The following PRELID2 variants were observed in gnomAD, a reference collection of about 807,000 sequenced individuals.
PRELID2 encodes PRELI domain-containing protein 2.
PRELID2 carries 25 observed loss-of-function variants against 28.4 expected under a neutral mutation model. That is an observed-to-expected ratio of 0.88 (90% CI 0.64 to 1.23). The LOEUF is 1.23. Among genes scored for constraint, PRELID2 ranks in the 50% most tolerant of loss-of-function variants. The pLI is 0.00. For synonymous variants in PRELID2, 76 were observed against 71.6 expected (o/e 1.06, Z -0.31); for missense variants, 201 against 214.4 (o/e 0.94, Z 0.39).
At chr5:145,560,692 A>T (rs1463440126) in intron 1 of PRELID2, among the ~76,000 whole-genome samples, 2 of 152,202 alleles carry the variant, frequency 1.3e-5, no homozygotes, top group Non-Finnish European at 2.9e-5. Flanking sequence ...AGTTATTCTA[A>T]CTTCATTCAA....
chr5:145,230,343 G>A, the PRELID2 span, among the ~76,000 whole-genome samples: 10 of 152,182 alleles, frequency 6.6e-5, no homozygotes, highest in Admixed American at 2.6e-4. Flanking sequence ...GGAGGCTGAC[G>A]TGGGTGGATC....
Position 145,740,611 on chromosome 5 carries a change from TATAAATATATATATATTATATATATAA to T in PRELID2, n.70+24293_70+24319del, listed in dbSNP as rs1756652003. Among the ~76,000 whole-genome samples, 3 of 9,936 alleles carry T rather than the reference TATAAATATATATATATTATATATATAA, an allele frequency of 3.0e-4. No individual in the cohort carries two copies. The Admixed American group carries it at 6.2e-3, about 20-fold the overall frequency. The allele number at this position is 9,936 out of a possible 152,430, so 6.5% of individuals were successfully genotyped here. On this transcript the variant is annotated intron_variant and non_coding_transcript_variant, in intron 1 of 2. Coordinates refer to the PRELID2 transcript ENST00000510259. Reference sequence around the variant, plus strand: ...TATATAAATATATATATATTATATATATAAATATATATATATTATATATATAAATATATATATTTTATATATAAATAA... The same window carrying T: ...TATATAAATATATATATATTATATATATATATATATTTTATATATAAATAA...
At chr5:145,581,238 A>C (rs1248968565) in intron 1 of PRELID2, among the ~76,000 whole-genome samples, 1 of 151,996 alleles carries the variant, frequency 6.6e-6, no homozygotes, top group African/African-American at 2.4e-5. Flanking sequence ...CTCCCCACAA[A>C]GTGCTGTCAT....
rs569126066 is a variant in PRELID2 at position 145,536,585 on chromosome 5, T to C, written n.71-63270A>G. Among the ~76,000 whole-genome samples, 448 of 151,862 alleles carry C rather than the reference T, an allele frequency of 3.0e-3. 1 individual carries two copies. Among genetic ancestry groups the C allele is most frequent in the Middle Eastern group, 6.8e-3 (2 of 294 alleles). ...GGAGGGAAAGCTGGAGTTCGTGTTT[T>C]GCATCTTTAAAAGACAAGGGAAGAG... is the stretch of plus-strand genomic sequence containing the variant. On this transcript the variant is annotated intron_variant and non_coding_transcript_variant, in intron 1 of 2. Transcript: ENST00000510259.
At chr5:145,415,307 G>A in the PRELID2 span, among the ~76,000 whole-genome samples, 1 of 150,346 alleles carries the variant, frequency 6.7e-6, no homozygotes, top group South Asian at 2.1e-4. Flanking sequence ...TATACTTTAA[G>A]TTTTAGGGTA....
chr5:145,694,735 A>G (rs193027248), intron 1 of PRELID2, among the ~76,000 whole-genome samples: 1 of 152,288 alleles, frequency 6.6e-6, no homozygotes, highest in East Asian at 1.9e-4. Context: ...CTGTGTGAAT[A>G]GAATGCACAA....
chr5:145,309,398 G>C, the PRELID2 span, among the ~76,000 whole-genome samples: 6 of 152,170 alleles, frequency 3.9e-5, no homozygotes, highest in Non-Finnish European at 7.3e-5. Flanking sequence ...GTTCATGTTG[G>C]ATAGCAGTGA....
chr5:145,642,215 C>T (rs533820610), intron 1 of PRELID2, among the ~76,000 whole-genome samples: 14 of 152,196 alleles, frequency 9.2e-5, no homozygotes, highest in East Asian at 5.8e-4. Flanking sequence ...TTCTAACTGG[C>T]GTGAGATGGT....
chr5:145,530,973 A>G (rs1461892876), intron 1 of PRELID2, among the ~76,000 whole-genome samples: 1 of 152,180 alleles, frequency 6.6e-6, no homozygotes, highest in Non-Finnish European at 1.5e-5. Flanking sequence ...AGGTCCTGGT[A>G]TAGTTCAAAA....
At chr5:145,731,406 T>G (rs368011951) in intron 1 of PRELID2, among the ~76,000 whole-genome samples, 7 of 152,336 alleles carry the variant, frequency 4.6e-5, no homozygotes, top group African/African-American at 1.4e-4. Flanking sequence ...CAGAGAGGTA[T>G]TCACCCATCA....
chr5:145,652,309 AC>A (rs1754312541), intron 1 of PRELID2, among the ~76,000 whole-genome samples: 1 of 152,388 alleles, frequency 6.6e-6, no homozygotes, highest in Non-Finnish European at 1.5e-5. Flanking sequence ...GGAAAATGGA[AC>A]CAAGTTGGAA....
chr5:145,681,495 T>A (rs1444325128), intron 1 of PRELID2, among the ~76,000 whole-genome samples: 2 of 152,224 alleles, frequency 1.3e-5, no homozygotes, highest in Non-Finnish European at 2.9e-5. Context: ...TGCCACTTAC[T>A]ACCTGTGTGA....
At chr5:145,317,620 A>C in the PRELID2 span, among the ~76,000 whole-genome samples, 1 of 152,224 alleles carries the variant, frequency 6.6e-6, no homozygotes. Context: ...GTGGAGAAAA[A>C]GGAGAATCCA....
chr5:145,436,483 T>C, the PRELID2 span, among the ~76,000 whole-genome samples: 2 of 152,200 alleles, frequency 1.3e-5, no homozygotes, highest in Non-Finnish European at 2.9e-5. Flanking sequence ...ATAGTAGTTC[T>C]AATTTCTTTA....
the PRELID2 span, among the ~76,000 whole-genome samples, chr5:145,372,101 C>G: frequency 3.9e-5 from 6 of 152,106 alleles, no homozygotes; most frequent in Non-Finnish European, 7.4e-5. Context: ...AAATTTACCT[C>G]TTAACACTGC....
intron 1 of PRELID2, among the ~76,000 whole-genome samples, chr5:145,499,242 C>T (rs1284743495): frequency 6.6e-6 from 1 of 151,998 alleles, no homozygotes; most frequent in East Asian, 1.9e-4. Flanking sequence ...AGTGAGACTC[C>T]ATCTCGTAAA....
chr5:145,832,140 G>C (rs1755631554), intron 1 of PRELID2, among the ~76,000 whole-genome samples: 1 of 152,156 alleles, frequency 6.6e-6, no homozygotes, highest in African/African-American at 2.4e-5. Context: ...AGAAGACTGT[G>C]AACAAAAGAA....
At chr5:145,640,201 CG>C (rs1240277706) in intron 1 of PRELID2, among the ~76,000 whole-genome samples, 1 of 151,952 alleles carries the variant, frequency 6.6e-6, no homozygotes, top group African/African-American at 2.4e-5. Context: ...AAAAATTGGC[CG>C]GCGGCCGGGC....
At chr5:145,287,295 A>G in the PRELID2 span, among the ~76,000 whole-genome samples, 77 of 152,156 alleles carry the variant, frequency 5.1e-4, no homozygotes, top group African/African-American at 1.6e-3. Context: ...TAATAATAAA[A>G]TAGAATAGGA....
Sources: gnomAD v4.1 joint callset for allele counts (sites outside exome capture counted in the v4.1 genomes callset) on GRCh38, gnomAD v4.1.1 for gene constraint, MANE v1.5 for transcripts, NCBI Gene and HGNC (gene_info 2026-07-23, HGNC 2026-07-21) for gene names.